ATP13A5: variants seen among roughly 807,000 people sequenced by gnomAD.
The protein encoded by ATP13A5 is ATPase 13A5, also known as probable cation-transporting ATPase 13A5.
ATP13A5 carries 149 observed loss-of-function variants against 150.2 expected under a neutral mutation model. The ratio of observed to expected loss-of-function variants is 0.99; its 90% confidence interval spans 0.87 to 1.14. The LOEUF (loss-of-function observed/expected upper bound fraction) is 1.14. Ranked by LOEUF, ATP13A5 falls within the 50% of genes most tolerant of loss-of-function variation. The pLI is 0.00. For missense variants in ATP13A5, 1,383 were observed against 1,449.3 expected (o/e 0.95, Z 0.74); for synonymous variants, 497 against 522.2 (o/e 0.95, Z 0.66).
chr3:193,336,572 G>A (rs893141849), intron 9 of ATP13A5, among the ~76,000 whole-genome samples: 11 of 152,008 alleles, frequency 7.2e-5, no homozygotes, highest in East Asian at 1.9e-4. Context: ...GAACTCATCC[G>A]TTTTTATGGC....
intron 3 of ATP13A5, 134 bp from the exon 4 acceptor site, chr3:193,362,771 T>A: frequency 2.8e-6 from 1 of 361,540 alleles, no homozygotes; most frequent in East Asian, 4.6e-5. Context: ...CTTTCTTTCT[T>A]TCTTTCTTTC....
At chr3:193,364,915 C>G (rs1713186158) in intron 1 of ATP13A5, among the ~76,000 whole-genome samples, 1 of 152,180 alleles carries the variant, frequency 6.6e-6, no homozygotes, top group South Asian at 2.1e-4. Context: ...TATTTGGACT[C>G]TCACTAGTAG....
chr3:193,288,465 C>T (rs1481520673), intron 26 of ATP13A5, among the ~76,000 whole-genome samples: 1 of 152,058 alleles, frequency 6.6e-6, no homozygotes, highest in Non-Finnish European at 1.5e-5. Flanking sequence ...TCTCTACCAG[C>T]AAAAAGATTA....
At chr3:193,368,122 T>C (rs1288083611) in intron 1 of ATP13A5, among the ~76,000 whole-genome samples, 1 of 152,124 alleles carries the variant, frequency 6.6e-6, no homozygotes, top group Non-Finnish European at 1.5e-5. Context: ...GTGAATTTAT[T>C]CAGATTGCTG....
Position 193,345,016 on chromosome 3 carries a change from A to G in ATP13A5, c.801T>C (p.Ile267=). The G allele has an allele frequency of 6.2e-7, 1 of 1,613,602 alleles. No homozygotes were observed. The highest frequency in any genetic ancestry group is 8.5e-7 in the Non-Finnish European group (1 of 1,179,584). ...EDHNKVQVTI[I]VKDKGLEELE... ...CACATCACTTACCTTTGTCTTTTAC[A>G]ATGATTGTAACCTGGACTTTGTTGT... The change falls in exon 8 of 30, where the codon ATT becomes ATC. Residue 267 remains isoleucine, a synonymous_variant. Transcript: ENST00000342358.
At chr3:193,322,236 T>C (rs1361417705) in intron 15 of ATP13A5, among the ~76,000 whole-genome samples, 3 of 152,202 alleles carry the variant, frequency 2.0e-5, no homozygotes, top group African/African-American at 7.2e-5. Flanking sequence ...TACCTGTTCC[T>C]CCAACCCAGA....
Position 193,338,571 on chromosome 3 carries a change from C to A in ATP13A5, c.944-3472G>T, listed in dbSNP as rs186728628. Among the ~76,000 whole-genome samples the A allele has an allele frequency of 1.5e-3, 229 of 152,302 alleles. 1 individual carries two copies. Among genetic ancestry groups the A allele is most frequent in the African/African-American group, 5.1e-3 (214 of 41,568 alleles). On this transcript the variant is annotated intron_variant, in intron 9 of 29. Transcript: ENST00000342358. Reference sequence around the variant, plus strand: ...CATATGTTGAACCAGCCTTGCATCCCAGGGATAAAGCCGACTTCATCATGG... The same window carrying A: ...CATATGTTGAACCAGCCTTGCATCCAAGGGATAAAGCCGACTTCATCATGG...
chr3:193,354,309 A>G (rs1712691174), intron 5 of ATP13A5, 113 bp from the exon 6 acceptor site: 2 of 939,202 alleles, frequency 2.1e-6, no homozygotes, highest in African/African-American at 1.7e-5. Flanking sequence ...TGTGACTTTG[A>G]TTAAAAAATA....
At chr3:193,351,787 G>A (rs1323430612) in intron 6 of ATP13A5, among the ~76,000 whole-genome samples, 14 of 152,214 alleles carry the variant, frequency 9.2e-5, no homozygotes, top group Admixed American at 9.2e-4. Flanking sequence ...CAAGGCTGCA[G>A]AGCAAATCAT....
Position 193,364,103 on chromosome 3 carries a change from G to T in ATP13A5, c.237+4C>A. 3 of 1,613,652 alleles carry T rather than the reference G, an allele frequency of 1.9e-6. No individual in the cohort carries two copies. The highest frequency in any genetic ancestry group is 2.2e-5 in the South Asian group (2 of 91,042). ...TTCAAAATAGAAAACAGAAAGGCAC[G>T]CACTGTTGTCCTCAGCAAAACAGTG... On this transcript the variant is annotated splice_donor_region_variant and intron_variant, in intron 2 of 29. Transcript: ENST00000342358.
intron 28 of ATP13A5, among the ~76,000 whole-genome samples, chr3:193,277,083 G>A (rs1037336227): frequency 6.6e-6 from 1 of 152,152 alleles, no homozygotes; most frequent in Admixed American, 6.6e-5. Flanking sequence ...ACTGAGAAAT[G>A]TGCCCTGAAT....
At chr3:193,281,090 C>T (rs1204321807) in intron 27 of ATP13A5, 1 of 655,624 alleles carries the variant, frequency 1.5e-6, no homozygotes, top group Non-Finnish European at 1.9e-6. Flanking sequence ...ATGAGGCAGA[C>T]AGAAGAAAAG....
intron 5 of ATP13A5, among the ~76,000 whole-genome samples, chr3:193,359,177 A>C (rs1302026072): frequency 6.6e-6 from 1 of 152,208 alleles, no homozygotes; most frequent in Non-Finnish European, 1.5e-5. Flanking sequence ...AAGAATGAGC[A>C]AAGCCCCTTT....
intron 12 of ATP13A5, among the ~76,000 whole-genome samples, chr3:193,329,519 C>T (rs1014018313): frequency 1.3e-5 from 2 of 152,096 alleles, no homozygotes; most frequent in African/African-American, 4.8e-5. Flanking sequence ...TTTCATAAGT[C>T]TCCCTCTTAT....
intron 19 of ATP13A5, chr3:193,313,426 G>A (rs148253882): frequency 2.0e-5 from 3 of 152,330 alleles, no homozygotes; most frequent in African/African-American, 7.2e-5. Flanking sequence ...TACCTTTAGT[G>A]ATGGAATGTA....
chr3:193,325,790 TTCC>T (rs137860151), intron 13 of ATP13A5, among the ~76,000 whole-genome samples: 1,574 of 152,336 alleles, frequency 0.01, 10 homozygotes, highest in African/African-American at 0.022. Context: ...ATCTTGTATC[TTCC>T]TCTCTTCCCA....
chr3:193,365,963 T>C (rs1310143056), intron 1 of ATP13A5, among the ~76,000 whole-genome samples: 1 of 152,120 alleles, frequency 6.6e-6, no homozygotes, highest in Non-Finnish European at 1.5e-5. Flanking sequence ...ATTGTAAAGA[T>C]ATTTCTACTC....
intron 1 of ATP13A5, among the ~76,000 whole-genome samples, chr3:193,378,123 A>G (rs73888302): frequency 0.018 from 2,789 of 152,078 alleles, 90 homozygotes; most frequent in African/African-American, 0.065. Flanking sequence ...GAGTGGGGAA[A>G]AAATTGGAGA....
At chr3:193,353,667 A>C (rs1712656909) in intron 6 of ATP13A5, among the ~76,000 whole-genome samples, 5 of 152,066 alleles carry the variant, frequency 3.3e-5, no homozygotes, top group Admixed American at 3.3e-4. Flanking sequence ...AAGAGACCAG[A>C]CCTCTCTCTC....
Sources: allele counts gnomAD v4.1 joint callset (sites outside exome capture counted in the v4.1 genomes callset), GRCh38; gene constraint gnomAD v4.1.1; transcripts MANE v1.5; gene names NCBI Gene and HGNC (gene_info 2026-07-23, HGNC 2026-07-21).